WDR35: variants seen among roughly 807,000 people sequenced by gnomAD.
WDR35 encodes WD repeat domain 35.
Under a neutral mutation model 158.3 loss-of-function variants are expected in WDR35, and 118 were observed. The observed-to-expected ratio is 0.75, with a 90% CI of 0.64 to 0.87. The LOEUF (loss-of-function observed/expected upper bound fraction) is 0.87, where lower values mean the gene tolerates loss of function less well. WDR35 is among the 40% of genes least tolerant of loss of function. WDR35 has a pLI of 0.00. For missense variants in WDR35, 1,263 were observed against 1,405.8 expected, an observed-to-expected ratio of 0.90 and a Z score of 1.62; for synonymous variants, 448 against 476.1, an observed-to-expected ratio of 0.94 and a Z score of 0.77.
chr2:19,967,376 T>A (rs958302755), intron 9 of WDR35, among the ~76,000 whole-genome samples: 3 of 152,170 alleles, frequency 2.0e-5, no homozygotes, highest in Admixed American at 6.5e-5. Context: ...TAATCCTACC[T>A]GGCTTATTTA....
intron 25 of WDR35, among the ~76,000 whole-genome samples, chr2:19,917,240 C>T (rs1392864068): frequency 6.6e-6 from 1 of 152,202 alleles, no homozygotes; most frequent in African/African-American, 2.4e-5. Flanking sequence ...ATCCGAAGGT[C>T]ACCGACTTCA....
At position 19,910,952 on chromosome 2, in the gene WDR35, C is replaced by T. The variant is rs531121822; in HGVS notation, c.*2606G>A. 2.0e-5 allele frequency: 3 copies of T among 152,116 alleles called. No individual in the cohort carries two copies. The highest frequency in any genetic ancestry group is 2.9e-5 in the Non-Finnish European group (2 of 68,024). 9.4% of individuals were successfully genotyped at this position (152,116 alleles called of 1,614,324 possible). A position where few individuals can be genotyped will look rare whatever the true frequency, so the allele number is the denominator to read the frequency against. ...ATATACATATGCGCGCACACACACA[C>T]GCACACAAAATTAGGTCCACAAGGT... On this transcript the variant is annotated 3_prime_UTR_variant, in exon 27 of 27. Coordinates refer to ENST00000281405, the MANE Select transcript of WDR35 (RefSeq NM_020779.4).
At chr2:19,949,035 T>C (rs139999572) in intron 13 of WDR35, among the ~76,000 whole-genome samples, 1 of 152,276 alleles carries the variant, frequency 6.6e-6, no homozygotes, top group African/African-American at 2.4e-5. Flanking sequence ...AATAAGCTCA[T>C]AGTCTAGTTA....
intron 2 of WDR35, among the ~76,000 whole-genome samples, chr2:19,984,118 A>T (rs932782129): frequency 1.3e-5 from 2 of 151,044 alleles, no homozygotes; most frequent in African/African-American, 4.9e-5. Context: ...TAGATTGACC[A>T]CCCATGTTTG....
chr2:19,968,205 G>T (rs1595415), intron 9 of WDR35, among the ~76,000 whole-genome samples: 87,038 of 152,052 alleles, frequency 0.57, 25,737 homozygotes, highest in African/African-American at 0.72. Flanking sequence ...GCATGTGATA[G>T]CCACATGACA....
chr2:19,926,996 G>T (rs1178337460), intron 25 of WDR35, among the ~76,000 whole-genome samples: 1 of 152,150 alleles, frequency 6.6e-6, no homozygotes, highest in Admixed American at 6.5e-5. Context: ...TCAACTAACT[G>T]GGGACAGATC....
intron 8 of WDR35, 130 bp from the exon 9 acceptor site, chr2:19,969,735 T>A: frequency 3.0e-6 from 3 of 987,084 alleles, no homozygotes; most frequent in Non-Finnish European, 4.4e-6. Context: ...CACTTTAAAA[T>A]CATGTTTCTT....
Position 19,913,377 on chromosome 2 carries a change from TCA to T in WDR35, c.*179_*180del, listed in dbSNP as rs1447300221. ...TTATATGAAAATCGGCCTTATTATT[TCA>T]CAGTTGTATTGCCATAAAAATTATT... On this transcript the variant is annotated 3_prime_UTR_variant, in exon 27 of 27. Transcript: ENST00000281405. The T allele has an allele frequency of 1.6e-6, 1 of 626,016 alleles. No individual in the cohort carries two copies. Among genetic ancestry groups the T allele is most frequent in the African/African-American group, 1.9e-5 (1 of 53,834 alleles). The allele number at this position is 626,016 out of a possible 1,614,324, so 38.8% of individuals were successfully genotyped here. A position where few individuals can be genotyped will look rare whatever the true frequency, so the allele number is the denominator to read the frequency against.
chr2:19,958,387 A>G (rs932379406), intron 11 of WDR35, among the ~76,000 whole-genome samples: 1 of 138,024 alleles, frequency 7.2e-6, no homozygotes, highest in East Asian at 2.0e-4. Flanking sequence ...ACCAATAACC[A>G]TTTACCTGGC....
At chr2:19,989,360 A>G in intron 1 of WDR35, 78 bp from the exon 2 acceptor site, 1 of 1,296,844 alleles carries the variant, frequency 7.7e-7, no homozygotes, top group Non-Finnish European at 1.1e-6. Flanking sequence ...ATGAAAGCTG[A>G]AGAAAATCTT....
intron 16 of WDR35, among the ~76,000 whole-genome samples, chr2:19,944,151 G>T (rs868072704): frequency 1.3e-5 from 2 of 152,024 alleles, no homozygotes; most frequent in African/African-American, 4.8e-5. Flanking sequence ...ACCACAGTAA[G>T]CCAGTGTCCT....
At chr2:19,946,107 G>C (rs556961120) in intron 15 of WDR35, 111 bp from the exon 16 acceptor site, 5 of 1,166,918 alleles carry the variant, frequency 4.3e-6, no homozygotes, top group Non-Finnish European at 6.1e-6. Flanking sequence ...TCAGAAACCT[G>C]GAATACAGTA....
At chr2:19,983,157 G>A (rs1672442415) in intron 2 of WDR35, among the ~76,000 whole-genome samples, 1 of 152,218 alleles carries the variant, frequency 6.6e-6, no homozygotes, top group Non-Finnish European at 1.5e-5. Context: ...AATTTAGATT[G>A]ATGGGGAACC....
At chr2:19,930,782 C>T (rs987064205) in intron 24 of WDR35, among the ~76,000 whole-genome samples, 1 of 152,158 alleles carries the variant, frequency 6.6e-6, no homozygotes, top group African/African-American at 2.4e-5. Flanking sequence ...TCAAGTGATC[C>T]TCCCACCTAA....
intron 25 of WDR35, among the ~76,000 whole-genome samples, chr2:19,915,979 T>C (rs1400208729): frequency 2.0e-5 from 3 of 148,758 alleles, no homozygotes; most frequent in Non-Finnish European, 4.4e-5. Flanking sequence ...TAGGAACAGC[T>C]CTGGTCTGCA....
chr2:19,937,719 G>A (rs1446677829), intron 19 of WDR35, 24 bp downstream of exon 19: 1 of 1,613,794 alleles, frequency 6.2e-7, no homozygotes, highest in Non-Finnish European at 8.5e-7. Context: ...AGTACTCAGG[G>A]ATGCCTGCGC....
intron 25 of WDR35, 144 bp downstream of exon 25, chr2:19,930,252 A>G: frequency 1.7e-6 from 2 of 1,185,604 alleles, no homozygotes; most frequent in Non-Finnish European, 2.4e-6. Flanking sequence ...CAAAAATGGG[A>G]ATGCATAAGA....
intron 25 of WDR35, among the ~76,000 whole-genome samples, chr2:19,918,726 G>A (rs1670067258): frequency 6.6e-6 from 1 of 152,132 alleles, no homozygotes; most frequent in African/African-American, 2.4e-5. Flanking sequence ...ACCCAATACA[G>A]GAACACCCAA....
intron 10 of WDR35, 147 bp downstream of exon 10, chr2:19,966,577 G>A: frequency 5.9e-6 from 5 of 847,576 alleles, no homozygotes; most frequent in Non-Finnish European, 9.1e-6. Flanking sequence ...GAGTCACAGA[G>A]TTTTCCAAAA....
Sources: gnomAD v4.1 joint callset for allele counts (sites outside exome capture counted in the v4.1 genomes callset) on GRCh38, gnomAD v4.1.1 for gene constraint, MANE v1.5 for transcripts, NCBI Gene and HGNC (gene_info 2026-07-23, HGNC 2026-07-21) for gene names.